Variants in ADORA2B observed in about 807,000 individuals in gnomAD.
ADORA2B encodes adenosine receptor A2b.
ADORA2B carries 18 observed loss-of-function variants against 20.8 expected under a neutral mutation model. The observed-to-expected ratio is 0.87, with a 90% CI of 0.60 to 1.29. The LOEUF (loss-of-function observed/expected upper bound fraction) is 1.29. Ranked by LOEUF, ADORA2B falls within the 50% of genes most tolerant of loss-of-function variation. The probability of loss-of-function intolerance (pLI) is 0.00; values close to 1 mark genes in which losing one functional copy is unlikely to be tolerated. For missense variants in ADORA2B, 441 were observed against 422.7 expected, an observed-to-expected ratio of 1.04 and a Z score of -0.38; for synonymous variants, 179 against 178.3, an observed-to-expected ratio of 1.00 and a Z score of -0.03.
chr17:15,973,950 A>C (rs1970216909), intron 1 of ADORA2B: 2 of 152,256 alleles, frequency 1.3e-5, no homozygotes, highest in African/African-American at 4.8e-5. Flanking sequence ...AATTGAGCAA[A>C]GAATGATTCA....
the ADORA2B span, among the ~76,000 whole-genome samples, chr17:15,881,008 A>G: frequency 2.0e-5 from 3 of 152,190 alleles, no homozygotes; most frequent in Non-Finnish European, 4.4e-5. Context: ...TTTTTGCCAA[A>G]TGAAGTTCAC....
the ADORA2B span, among the ~76,000 whole-genome samples, chr17:15,885,426 T>G: frequency 6.6e-6 from 1 of 152,202 alleles, no homozygotes; most frequent in Non-Finnish European, 1.5e-5. Flanking sequence ...TAAAAAAGCT[T>G]CTGCAGGCCA....
Position 15,975,351 on chromosome 17 carries a change from C to T in ADORA2B, c.*9C>T. The T allele has an allele frequency of 1.2e-6, 2 of 1,601,002 alleles. No individual in the cohort carries two copies. Among genetic ancestry groups the T allele is most frequent in the South Asian group, 2.2e-5 (2 of 90,410 alleles). On this transcript the variant is annotated 3_prime_UTR_variant, in exon 2 of 2. Transcript: ENST00000304222. ...TCGGTGTGGGCCTATGATCTAGGCT[C>T]TCGCCTCTTCCAGGAGAAGATACAA...
At chr17:15,916,064 C>G in the ADORA2B span, among the ~76,000 whole-genome samples, 6 of 152,192 alleles carry the variant, frequency 3.9e-5, 1 homozygote, top group South Asian at 1.2e-3. Context: ...AGTCAGCAGT[C>G]GGCTGCCCTG....
chr17:15,955,430 C>T (rs552389729), intron 1 of ADORA2B, among the ~76,000 whole-genome samples: 1 of 150,256 alleles, frequency 6.7e-6, no homozygotes, highest in African/African-American at 2.5e-5. Flanking sequence ...GACAGAGTCT[C>T]GCTTGTTGGC....
the ADORA2B span, among the ~76,000 whole-genome samples, chr17:15,877,163 C>T: frequency 1.9e-3 from 285 of 152,220 alleles, 2 homozygotes; most frequent in African/African-American, 6.5e-3. Context: ...TTTGTTCCCT[C>T]AGTTTTTTAT....
chr17:15,853,358 A>G, the ADORA2B span, among the ~76,000 whole-genome samples: 1 of 152,286 alleles, frequency 6.6e-6, no homozygotes, highest in Non-Finnish European at 1.5e-5. Context: ...TGAAAAGATT[A>G]TCTTAAAAAG....
chr17:15,955,597 G>A (rs1018391126), intron 1 of ADORA2B, among the ~76,000 whole-genome samples: 6 of 151,940 alleles, frequency 3.9e-5, no homozygotes, highest in African/African-American at 1.2e-4. Context: ...TAGTAGAGAC[G>A]GGGTTTCACC....
the ADORA2B span, among the ~76,000 whole-genome samples, chr17:15,862,363 A>G: frequency 6.6e-6 from 1 of 151,182 alleles, no homozygotes; most frequent in Non-Finnish European, 1.5e-5. Flanking sequence ...TTATAAAGGC[A>G]TGCACCATGA....
chr17:15,889,726 C>T, the ADORA2B span, among the ~76,000 whole-genome samples: 2 of 128,968 alleles, frequency 1.6e-5, 1 homozygote, highest in East Asian at 4.1e-4. Context: ...GGCAAAATCC[C>T]GTCTTTACTA....
the ADORA2B span, among the ~76,000 whole-genome samples, chr17:15,911,730 C>T: frequency 4.3e-3 from 661 of 152,262 alleles, 1 homozygote; most frequent in African/African-American, 0.015. Flanking sequence ...TGCCAATAGA[C>T]ATGCACGTAG....
intron 1 of ADORA2B, among the ~76,000 whole-genome samples, chr17:15,960,026 T>C (rs1970015800): frequency 6.6e-6 from 1 of 152,136 alleles, no homozygotes; most frequent in South Asian, 2.1e-4. Flanking sequence ...ACACCTGTAA[T>C]GGGAGCCTGA....
the ADORA2B span, among the ~76,000 whole-genome samples, chr17:15,870,932 C>T: frequency 6.6e-6 from 1 of 152,232 alleles, no homozygotes; most frequent in Non-Finnish European, 1.5e-5. Flanking sequence ...CCTTTTCTAC[C>T]TGCTCTCCCT....
At chr17:15,874,670 C>T in the ADORA2B span, among the ~76,000 whole-genome samples, 215 of 152,116 alleles carry the variant, frequency 1.4e-3, 1 homozygote, top group South Asian at 0.018. Context: ...CCAGTCTGAG[C>T]AACAAAGAGA....
At chr17:15,874,329 T>C in the ADORA2B span, among the ~76,000 whole-genome samples, 1 of 151,280 alleles carries the variant, frequency 6.6e-6, no homozygotes, top group Admixed American at 6.6e-5. Flanking sequence ...AAGGGAAAGG[T>C]AGGGAGGGGG....
chr17:15,972,510 T>G (rs1032524361), intron 1 of ADORA2B, among the ~76,000 whole-genome samples: 9 of 152,336 alleles, frequency 5.9e-5, no homozygotes, highest in African/African-American at 1.9e-4. Context: ...GATAGACTAG[T>G]GTATAGCAAA....
chr17:15,892,505 C>T, the ADORA2B span, among the ~76,000 whole-genome samples: 286 of 152,228 alleles, frequency 1.9e-3, 2 homozygotes, highest in African/African-American at 6.1e-3. Context: ...TGGTCTTGAA[C>T]GTCTGACCTC....
At chr17:15,898,819 G>C in the ADORA2B span, among the ~76,000 whole-genome samples, 3 of 152,304 alleles carry the variant, frequency 2.0e-5, no homozygotes, top group African/African-American at 4.8e-5. Flanking sequence ...CACATGATAA[G>C]TAATCTTAAA....
chr17:15,894,182 A>T, the ADORA2B span, among the ~76,000 whole-genome samples: 4 of 152,222 alleles, frequency 2.6e-5, 1 homozygote, highest in Non-Finnish European at 5.9e-5. Flanking sequence ...AACAAGAGAC[A>T]TGTTCTCTGA....
Sources: allele counts gnomAD v4.1 joint callset (sites outside exome capture counted in the v4.1 genomes callset), GRCh38; gene constraint gnomAD v4.1.1; transcripts MANE v1.5; gene names NCBI Gene and HGNC (gene_info 2026-07-23, HGNC 2026-07-21).